GPHN: variants seen among roughly 807,000 people sequenced by gnomAD.
GPHN encodes gephyrin.
Under a neutral mutation model 95.5 loss-of-function variants are expected in GPHN, and 17 were observed. The ratio of observed to expected loss-of-function variants is 0.18; its 90% CI spans 0.12 to 0.27. GPHN has a LOEUF of 0.27. Among genes scored for constraint, GPHN ranks in the 10% least tolerant of loss-of-function variants. The pLI is 1.00. For synonymous variants in GPHN, 320 were observed against 322.5 expected, an observed-to-expected ratio of 0.99 and a Z score of 0.08; for missense variants, 660 against 978.1, an observed-to-expected ratio of 0.67 and a Z score of 4.34.
At chr14:67,340,798 C>G in the GPHN span, among the ~76,000 whole-genome samples, 2 of 152,146 alleles carry the variant, frequency 1.3e-5, no homozygotes, top group Non-Finnish European at 2.9e-5. Context: ...CTCAGCCTGC[C>G]GAGTGCCTGC....
chr14:67,058,141 A>T (rs2153648877), intron 10 of GPHN, among the ~76,000 whole-genome samples: 1 of 152,318 alleles, frequency 6.6e-6, no homozygotes, highest in South Asian at 2.1e-4. Context: ...TATTTGAATG[A>T]GTAGGTCAAG....
chr14:67,615,636 C>A, the GPHN span: 1 of 550,676 alleles, frequency 1.8e-6, no homozygotes, highest in Non-Finnish European at 3.5e-6. Flanking sequence ...GGGGGAAGAC[C>A]ATGTCTGCTA....
the GPHN span, among the ~76,000 whole-genome samples, chr14:67,479,132 G>A: frequency 5.3e-5 from 8 of 152,140 alleles, no homozygotes; most frequent in Non-Finnish European, 1.0e-4. Flanking sequence ...ATGGAGGCTG[G>A]ACGTGGTGGC....
intron 1 of GPHN, among the ~76,000 whole-genome samples, chr14:66,646,749 T>C (rs1288800684): frequency 3.9e-5 from 6 of 152,058 alleles, no homozygotes; most frequent in African/African-American, 1.4e-4. Flanking sequence ...GGGGAGCTGT[T>C]GTTTAATGGG....
At chr14:67,488,374 T>G in the GPHN span, 31 of 152,168 alleles carry the variant, frequency 2.0e-4, no homozygotes, top group Admixed American at 2.0e-3. Context: ...TTTTGGGGGG[T>G]GCCCCCCTGG....
At chr14:67,663,095 T>C in the GPHN span, 1 of 1,507,030 alleles carries the variant, frequency 6.6e-7, no homozygotes, top group Non-Finnish European at 8.8e-7. Flanking sequence ...GGCAATGACT[T>C]GAACGATGAG....
intron 3 of GPHN, among the ~76,000 whole-genome samples, chr14:66,811,295 T>C (rs1416672679): frequency 1.3e-5 from 2 of 151,834 alleles, no homozygotes; most frequent in African/African-American, 4.8e-5. Flanking sequence ...AATCTAAAAA[T>C]AAAACGTAAA....
chr14:66,569,101 T>C (rs1428996080), intron 1 of GPHN, among the ~76,000 whole-genome samples: 1 of 152,138 alleles, frequency 6.6e-6, no homozygotes, highest in South Asian at 2.1e-4. Flanking sequence ...TACTGAGAGA[T>C]TACCTGTTTA....
the GPHN span, chr14:67,353,610 C>A: frequency 6.6e-6 from 1 of 152,444 alleles, no homozygotes. Context: ...ACCCCAGCCT[C>A]CCAAGTAGCT....
At chr14:67,049,802 C>T (rs1401881225) in intron 10 of GPHN, among the ~76,000 whole-genome samples, 7 of 152,152 alleles carry the variant, frequency 4.6e-5, no homozygotes, top group African/African-American at 7.2e-5. Flanking sequence ...TGAGCCACCG[C>T]GCCCGGCTGA....
the GPHN span, among the ~76,000 whole-genome samples, chr14:67,671,847 ACC>A: frequency 6.6e-6 from 1 of 152,262 alleles, no homozygotes; most frequent in Non-Finnish European, 1.5e-5. Flanking sequence ...GGCTGAACTA[ACC>A]CACTCTCTCA....
rs551373477 is a variant in GPHN, at chr14:66,512,422, G to A, written c.64+3831G>A. Among the ~76,000 whole-genome samples the A allele has an allele frequency of 2.4e-3, 372 of 151,860 alleles. 4 individuals carry two copies. Among genetic ancestry groups the A allele is most frequent in the African/African-American group, 8.4e-3 (349 of 41,510 alleles). On this transcript the variant is annotated intron_variant, in intron 1 of 22. Transcript: ENST00000478722. ...TGGCTACTGAATATCGTATTAGTTC[G>A]CTACAGCTAATGTTTGATACCAAGG...
chr14:66,903,516 T>C (rs1228243409), intron 5 of GPHN, among the ~76,000 whole-genome samples: 1 of 152,176 alleles, frequency 6.6e-6, no homozygotes, highest in Non-Finnish European at 1.5e-5. Context: ...ACCCCTTCAC[T>C]TACAGTCTAT....
At chr14:67,576,878 G>T in the GPHN span, among the ~76,000 whole-genome samples, 1 of 152,184 alleles carries the variant, frequency 6.6e-6, no homozygotes, top group South Asian at 2.1e-4. The surrounding 1 kb of genome is among the most constrained non-coding windows in gnomAD (Gnocchi z 4.0). Flanking sequence ...CCTGTTTGGA[G>T]TCTTTCTTTT....
chr14:67,525,127 A>G, the GPHN span, among the ~76,000 whole-genome samples: 1 of 152,208 alleles, frequency 6.6e-6, no homozygotes, highest in Non-Finnish European at 1.5e-5. Context: ...ATAATATAGA[A>G]AAGAACAAAG....
At chr14:67,659,056 C>T in the GPHN span, among the ~76,000 whole-genome samples, 8 of 152,156 alleles carry the variant, frequency 5.3e-5, no homozygotes, top group Non-Finnish European at 1.2e-4. Context: ...ATCTTTCAGA[C>T]GTTTTATTCC....
chr14:67,360,380 G>T, the GPHN span: 6 of 396,266 alleles, frequency 1.5e-5, no homozygotes, highest in African/African-American at 2.1e-5. Context: ...CGGCCGGTGA[G>T]GGGGAAGCAA....
At chr14:66,726,250 A>G (rs1215342732) in intron 2 of GPHN, among the ~76,000 whole-genome samples, 1 of 152,206 alleles carries the variant, frequency 6.6e-6, no homozygotes, top group East Asian at 1.9e-4. Context: ...ATTTCAGAAA[A>G]ATGTGGAATA....
the GPHN span, among the ~76,000 whole-genome samples, chr14:67,284,442 A>AAAAAAAAAAAAAAAAAAAAAC: frequency 2.8e-5 from 4 of 142,766 alleles, no homozygotes; most frequent in Admixed American, 7.0e-5. Context: ...AAAAAAAAAA[A>AAAAAAAAAAAAAAAAAAAAAC]AACAGCTGGG....
Sources: gnomAD v4.1 joint callset for allele counts (sites outside exome capture counted in the v4.1 genomes callset) on GRCh38, gnomAD v4.1.1 for gene constraint, Gnocchi (gnomAD v3.1) non-coding constraint, MANE v1.5 for transcripts, NCBI Gene and HGNC (gene_info 2026-07-23, HGNC 2026-07-21) for gene names.